The following ADAMTS12 variants were observed in gnomAD, a reference collection of about 807,000 sequenced individuals.
ADAMTS12 encodes the protein ADAM metallopeptidase with thrombospondin type 1 motif 12, also known as A disintegrin and metalloproteinase with thrombospondin motifs 12.
ADAMTS12 carries 118 observed loss-of-function variants against 167.8 expected under a neutral mutation model. The observed-to-expected ratio is 0.70, with a 90% confidence interval of 0.61 to 0.82. ADAMTS12 has a LOEUF of 0.82. Among genes scored for constraint, ADAMTS12 ranks in the 40% least tolerant of loss-of-function variants. The pLI is 0.00. For missense variants in ADAMTS12, 1,916 were observed against 1,998.8 expected (o/e 0.96, Z 0.79); for synonymous variants, 704 against 716.9 (o/e 0.98, Z 0.29).
intron 18 of ADAMTS12, among the ~76,000 whole-genome samples, chr5:33,584,778 C>T (rs1173429368): frequency 6.6e-6 from 1 of 152,158 alleles, no homozygotes; most frequent in Non-Finnish European, 1.5e-5. Flanking sequence ...GAAAAATTAC[C>T]ACCTATCATT....
In ADAMTS12 at chr5:33,657,984, A is replaced by G. The variant is rs538011348; in HGVS notation, c.1190+200T>C. Among the ~76,000 whole-genome samples, 5 of 152,274 alleles carry G rather than the reference A, an allele frequency of 3.3e-5. No individual in the cohort carries two copies. The East Asian group carries it at 9.6e-4, about 29-fold the overall frequency. On this transcript the variant is annotated intron_variant, in intron 7 of 23. Transcript: ENST00000504830. ...ATGTGTGAGTATACATGGTCTGGGC[A>G]GTGGAGACAATGGAGCCCATGAGGT... is the stretch of plus-strand genomic sequence containing the variant.
chr5:33,859,419 G>A (rs1301655885), intron 2 of ADAMTS12, among the ~76,000 whole-genome samples: 5 of 152,242 alleles, frequency 3.3e-5, no homozygotes, highest in African/African-American at 1.2e-4. Context: ...GGAGCCCACC[G>A]CAGCTCAGCA....
intron 2 of ADAMTS12, among the ~76,000 whole-genome samples, chr5:33,843,278 G>A (rs755163313): frequency 5.9e-5 from 9 of 152,306 alleles, no homozygotes; most frequent in Admixed American, 4.6e-4. Context: ...AAAAATGTCC[G>A]TGTTAATGAG....
chr5:33,767,329 T>A (rs1561261068), intron 2 of ADAMTS12, among the ~76,000 whole-genome samples: 2 of 152,188 alleles, frequency 1.3e-5, no homozygotes, highest in Admixed American at 1.3e-4. Context: ...ACTTGCCACA[T>A]CAGATATATA....
chr5:33,713,640 GAA>G (rs916806434), intron 3 of ADAMTS12, among the ~76,000 whole-genome samples: 1 of 150,504 alleles, frequency 6.6e-6, no homozygotes, highest in Non-Finnish European at 1.5e-5. Context: ...GAGATGACAA[GAA>G]AAAAAAATTG....
Position 33,658,166 on chromosome 5 carries a change from C to T in ADAMTS12, c.1190+18G>A, listed in dbSNP as rs1741127649. 5 of 1,612,308 alleles carry T rather than the reference C, an allele frequency of 3.1e-6. No homozygotes were observed. The highest frequency in any genetic ancestry group is 1.7e-4 in the Middle Eastern group (1 of 6,020). The stretch of plus-strand genomic sequence containing the variant: ...ACATGAATATGGTGAGCAAACCTCC[C>T]TATCATTGGCCCTTTACCTGTGTCC... On this transcript the variant is annotated intron_variant, in intron 7 of 23. Transcript: ENST00000504830.
intron 2 of ADAMTS12, among the ~76,000 whole-genome samples, chr5:33,866,387 G>C (rs1034767418): frequency 2.0e-5 from 3 of 151,968 alleles, no homozygotes; most frequent in Non-Finnish European, 2.9e-5. Flanking sequence ...GAAAACTCTA[G>C]AGCCACATAT....
chr5:33,790,782 C>CATAT (rs10622464), intron 2 of ADAMTS12, among the ~76,000 whole-genome samples: 5,231 of 133,826 alleles, frequency 0.039, 138 homozygotes, highest in East Asian at 0.12. Flanking sequence ...GACATACAAA[C>CATAT]ATATATATAT....
intron 19 of ADAMTS12, among the ~76,000 whole-genome samples, chr5:33,569,484 C>T (rs1025499116): frequency 2.0e-5 from 3 of 152,212 alleles, no homozygotes; most frequent in African/African-American, 7.2e-5. Context: ...CCCAGGCAAA[C>T]GGGTCTGGAG....
At chr5:33,607,304 G>A (rs1007701289) in intron 16 of ADAMTS12, among the ~76,000 whole-genome samples, 2 of 152,024 alleles carry the variant, frequency 1.3e-5, no homozygotes, top group African/African-American at 4.8e-5. Flanking sequence ...TCTCATTACT[G>A]AAACAAAAAT....
At chr5:33,879,520 C>T (rs550197347) in intron 2 of ADAMTS12, among the ~76,000 whole-genome samples, 31 of 152,202 alleles carry the variant, frequency 2.0e-4, no homozygotes, top group Non-Finnish European at 3.8e-4. Context: ...TGATGACAGC[C>T]GTGGAGCTGG....
intron 2 of ADAMTS12, among the ~76,000 whole-genome samples, chr5:33,874,646 G>A (rs923783176): frequency 1.3e-5 from 2 of 152,134 alleles, no homozygotes; most frequent in Non-Finnish European, 2.9e-5. Flanking sequence ...TTATAGCAAC[G>A]TTATCAATAA....
intron 5 of ADAMTS12, 39 bp from the exon 6 acceptor site, chr5:33,662,079 C>T: frequency 3.1e-6 from 5 of 1,598,274 alleles, no homozygotes; most frequent in Non-Finnish European, 4.2e-6. Context: ...TGGGAGAGCT[C>T]ACTGTGGTCA....
intron 3 of ADAMTS12, among the ~76,000 whole-genome samples, chr5:33,728,249 G>T (rs1744058926): frequency 6.6e-6 from 1 of 152,150 alleles, no homozygotes; most frequent in South Asian, 2.1e-4. Flanking sequence ...TCACTGAAAT[G>T]AGACATTTCA....
intron 3 of ADAMTS12, among the ~76,000 whole-genome samples, chr5:33,709,469 T>G (rs1237841984): frequency 6.6e-6 from 1 of 152,162 alleles, no homozygotes; most frequent in African/African-American, 2.4e-5. Flanking sequence ...TGCCCATCAA[T>G]GATAGACTGG....
At chr5:33,789,090 C>T (rs1360350765) in intron 2 of ADAMTS12, among the ~76,000 whole-genome samples, 1 of 152,188 alleles carries the variant, frequency 6.6e-6, no homozygotes, top group African/African-American at 2.4e-5. Flanking sequence ...CATGATTTTC[C>T]TCTCTGAGTC....
chr5:33,677,341 T>C (rs773345162), intron 5 of ADAMTS12, among the ~76,000 whole-genome samples: 1 of 152,184 alleles, frequency 6.6e-6, no homozygotes, highest in Non-Finnish European at 1.5e-5. Flanking sequence ...CTCATGACAA[T>C]GCTATGAAAT....
chr5:33,541,910 C>T (rs1388923267), intron 22 of ADAMTS12, among the ~76,000 whole-genome samples: 3 of 151,244 alleles, frequency 2.0e-5, no homozygotes, highest in Non-Finnish European at 2.9e-5. Flanking sequence ...ACCATCAATG[C>T]TAGGAAGAAA....
At chr5:33,579,322 A>G (rs895916530) in intron 18 of ADAMTS12, among the ~76,000 whole-genome samples, 1 of 152,030 alleles carries the variant, frequency 6.6e-6, no homozygotes, top group African/African-American at 2.4e-5. Context: ...CAGTCTTGAG[A>G]GCTGACTGAT....
Sources: gnomAD v4.1 joint callset for allele counts (sites outside exome capture counted in the v4.1 genomes callset) on GRCh38, gnomAD v4.1.1 for gene constraint, MANE v1.5 for transcripts, NCBI Gene and HGNC (gene_info 2026-07-23, HGNC 2026-07-21) for gene names.